The following CFP variants were observed in gnomAD, a reference collection of about 807,000 sequenced individuals.
CFP encodes complement factor properdin.
In CFP, 14 loss-of-function variants were observed where a neutral mutation model predicts 42.1. The ratio of observed to expected loss-of-function variants is 0.33; its 90% CI spans 0.22 to 0.52. The LOEUF is 0.52. Ranked by LOEUF, CFP falls within the 20% of genes least tolerant of loss-of-function variation. The pLI, the probability that CFP is intolerant of heterozygous loss-of-function variation, is 0.96. For missense variants in CFP, 318 were observed against 400.4 expected, an observed-to-expected ratio of 0.79 and a Z score of 1.76; for synonymous variants, 149 against 160.6, an observed-to-expected ratio of 0.93 and a Z score of 0.54.
chrX:47,627,550 G>C lies in CFP; in HGVS notation c.495C>G (p.His165Gln). 1 of 1,209,556 alleles carries C rather than the reference G, an allele frequency of 8.3e-7. No individual in the cohort carries two copies. ...AGTGGCCCCCACACTTGGGAGCAGG[G>C]TGATTACAGGCTCGCCTGCGGGTCC... ...GTRTRRRACNHPAPKCGGHCP... is the reference protein window; with the variant it reads ...GTRTRRRACNQPAPKCGGHCP... Residue 165 changes from histidine to glutamine, a missense_variant, in exon 4 of 9, where the codon CAC becomes CAG. His to Gln is a conservative substitution (Grantham distance 24). Coordinates refer to ENST00000396992, the MANE Select transcript of CFP (RefSeq NM_001145252.3).
At chrX:47,629,498 A>ACCCCCC in intron 2 of CFP, 26 bp downstream of exon 2, 4 of 270,807 alleles carry the variant, frequency 1.5e-5, no homozygotes, top group East Asian at 7.0e-5. Context: ...CCTCCCCCCC[A>ACCCCCC]TCCCCCACCC....
Position 47,626,319 on chromosome X carries a change from G to C in CFP, c.1132+9C>G. On this transcript the variant is annotated intron_variant, in intron 7 of 8. Transcript: ENST00000396992. The stretch of plus-strand genomic sequence containing the variant: ...CCCACCCTCAGAGCACAGTCTGTGG[G>C]ACACTCACAGGGGCAGTGCTGGATG... The C allele has an allele frequency of 1.7e-6, 2 of 1,209,192 alleles. No individual in the cohort carries two copies. The highest frequency in any genetic ancestry group is 3.0e-5 in the East Asian group (1 of 33,796).
Position 47,628,082 on chromosome X carries a change from G to A in CFP, c.403+20C>T, listed in dbSNP as rs1383306170. Reference sequence around the variant, plus strand: ...GCTGGGTGACAGGGAGTGCTTGCCCGCCTTGCTCATCCTCCTCACCAGGAC... The same window carrying A: ...GCTGGGTGACAGGGAGTGCTTGCCCACCTTGCTCATCCTCCTCACCAGGAC... On this transcript the variant is annotated intron_variant, in intron 3 of 8. Coordinates refer to ENST00000396992, the MANE Select transcript of CFP (RefSeq NM_001145252.3). 4.1e-6 allele frequency: 5 copies of A among 1,207,812 alleles called. No individual in the cohort carries two copies. Among genetic ancestry groups the A allele is most frequent in the Admixed American group, 4.4e-5 (2 of 45,758 alleles).
chrX:47,629,603 C>T lies in CFP; in HGVS notation c.148G>A (p.Gly50Ser). The change falls in exon 2 of 9, where the codon GGT becomes AGT. Residue 50 changes from glycine (G) to serine (S), a missense_variant. By Grantham distance (56) the Gly-to-Ser change is moderately conservative. Coordinates refer to ENST00000396992, the MANE Select transcript of CFP (RefSeq NM_001145252.3). ...SGKCKGLLGG[G>S]VSVEDCCLNT... is the part of the protein sequence containing the mutation. Reference sequence around the variant, plus strand: ...AGACAGCAGTCTTCCACGCTGACACCACCCCCCAGGAGGCCCTTGCACTTG... The same window carrying T: ...AGACAGCAGTCTTCCACGCTGACACTACCCCCCAGGAGGCCCTTGCACTTG... The T allele has an allele frequency of 8.5e-7, 1 of 1,172,625 alleles. No homozygotes were observed.
At chrX:47,628,819 G>C (rs1264121777) in intron 2 of CFP, 1 of 213,308 alleles carries the variant, frequency 4.7e-6, no homozygotes, top group Non-Finnish European at 8.8e-6. Context: ...GGTGTATCTG[G>C]GATATATAGT....
intron 2 of CFP, 24 bp downstream of exon 2, chrX:47,629,500 C>CCCCCCCCCCCGCCCCCCCCAA: frequency 2.1e-6 from 1 of 477,887 alleles, no homozygotes; most frequent in Non-Finnish European, 3.6e-6. Context: ...TCCCCCCCAT[C>CCCCCCCCCCCGCCCCCCCCAA]CCCCACCCCA....
intron 2 of CFP, 99 bp from the exon 3 acceptor site, chrX:47,628,376 G>T: frequency 1.2e-6 from 1 of 831,040 alleles, no homozygotes; most frequent in Non-Finnish European, 1.8e-6. Context: ...TGCTAGGCAA[G>T]TGCGTGTGCG....
rs2057977063 is a variant in CFP at position 47,628,190 on chromosome X, C to T, written c.315G>A (p.Val105=). The T allele has an allele frequency of 8.3e-7, 1 of 1,209,805 alleles. No individual in the cohort carries two copies. The highest frequency in any genetic ancestry group is 1.8e-5 in the African/African-American group (1 of 57,059). Residue 105 remains valine, a synonymous_variant, in exon 3 of 9, where the codon GTG becomes GTA. Coordinates refer to ENST00000396992, the MANE Select transcript of CFP (RefSeq NM_001145252.3). ...TTCCAGAGCACTGCCCATTCCAGCC[C>T]ACACAGCGCCGGTACCGCAGCTGGG... ...EGSQLRYRRC[V]GWNGQCSGKV... is the part of the protein sequence containing the mutation.
chrX:47,626,472 G>A lies in CFP; in HGVS notation c.988C>T (p.Arg330Trp). The change falls in exon 7 of 9, where the codon CGG becomes TGG. Residue 330 changes from arginine (R) to tryptophan (W), a missense_variant. Arg to Trp is a moderately radical substitution (Grantham distance 101). Transcript: ENST00000396992. ...TGACAGCTGATGGACTTCATGTTCC[G>A]TCGGATACAGGGGCTCCACTCCCCC... is the stretch of plus-strand genomic sequence containing the variant. The part of the protein sequence containing the change: ...SWGEWSPCIR[R>W]NMKSISCQEI... 5.8e-6 allele frequency: 7 copies of A among 1,211,504 alleles called. No homozygotes were observed. The highest frequency in any genetic ancestry group is 2.2e-5 in the Admixed American group (1 of 46,015).
chrX:47,624,450 T>C lies in CFP; in HGVS notation c.1245-10A>G. 1 of 1,205,008 alleles carries C rather than the reference T, an allele frequency of 8.3e-7. No individual in the cohort carries two copies. Reference sequence around the variant, plus strand: ...CATGGAAACGGTGGGCCTGAGGCATTAGGGGTGGGGAGGAACGGAAGGGAG... The same window carrying C: ...CATGGAAACGGTGGGCCTGAGGCATCAGGGGTGGGGAGGAACGGAAGGGAG... On this transcript the variant is annotated splice_polypyrimidine_tract_variant and intron_variant, in intron 8 of 8. Coordinates refer to ENST00000396992, the MANE Select transcript of CFP (RefSeq NM_001145252.3).
rs1486975061 is a variant in CFP at position 47,625,840 on chromosome X, T to G, written c.1244+218A>C. ...ATGAAGGACTAAGTGGATGAGTGAC[T>G]GAACAGGTGACTGAGGGGCACAGAG... On this transcript the variant is annotated intron_variant, in intron 8 of 8. Coordinates refer to ENST00000396992, the MANE Select transcript of CFP (RefSeq NM_001145252.3). 31 of 451,287 alleles carry G rather than the reference T, an allele frequency of 6.9e-5. No homozygotes were observed. In the East Asian group the frequency reaches 1.1e-3, roughly 15 times the overall value. The allele number at this position is 451,287 out of a possible 1,213,427, so 37.2% of individuals were successfully genotyped here.
intron 8 of CFP, 173 bp downstream of exon 8, chrX:47,625,885 G>A (rs2057966033): frequency 4.0e-6 from 2 of 498,338 alleles, no homozygotes; most frequent in Admixed American, 5.6e-5. Flanking sequence ...TATCCTCCAA[G>A]AACTTCTTTC....
chrX:47,625,138 TG>T (rs2057963594), intron 8 of CFP: 1 of 111,552 alleles, frequency 9.0e-6, no homozygotes, highest in African/African-American at 3.3e-5. Flanking sequence ...GGTCTTTACC[TG>T]GGTTATTTGT....
At position 47,629,609 on chromosome X, in the gene CFP, C is replaced by G. The variant is rs1314835721; in HGVS notation, c.142G>C (p.Gly48Arg). 1 of 1,173,519 alleles carries G rather than the reference C, an allele frequency of 8.5e-7. No individual in the cohort carries two copies. Among genetic ancestry groups the G allele is most frequent in the Non-Finnish European group, 1.1e-6 (1 of 875,420 alleles). The stretch of plus-strand genomic sequence containing the variant: ...CAGTCTTCCACGCTGACACCACCCC[C>G]CAGGAGGCCCTTGCACTTGCCGGAG... Reference protein sequence around the residue: ...ESSGKCKGLLGGGVSVEDCCL... With the variant: ...ESSGKCKGLLRGGVSVEDCCL... Residue 48 changes from glycine to arginine, a missense_variant, in exon 2 of 9, where the codon GGG (glycine) becomes CGG (arginine). By Grantham distance (125) the Gly-to-Arg change is moderately radical (BLOSUM62 -2). Transcript: ENST00000396992.
At position 47,628,197 on chromosome X, in the gene CFP, C is replaced by T. The variant is rs2057977101; in HGVS notation, c.308G>A (p.Arg103His). 8.3e-7 allele frequency: 1 copy of T among 1,211,250 alleles called. No individual in the cohort carries two copies. Residue 103 changes from arginine (R) to histidine (H), a missense_variant, in exon 3 of 9, where the codon CGC becomes CAC. By Grantham distance (29) the Arg-to-His change is conservative (BLOSUM62 0). Coordinates refer to ENST00000396992, the MANE Select transcript of CFP (RefSeq NM_001145252.3). ...GCACTGCCCATTCCAGCCCACACAG[C>T]GCCGGTACCGCAGCTGGGAGCCCTC... The part of the protein sequence containing the change: ...CSEGSQLRYR[R>H]CVGWNGQCSG...
intron 8 of CFP, 122 bp from the exon 9 acceptor site, chrX:47,624,562 T>TCC: frequency 8.0e-6 from 4 of 497,085 alleles, no homozygotes; most frequent in African/African-American, 5.6e-5. Context: ...TTTTTTTCCT[T>TCC]TTTTTTTTTT....
In CFP at chrX:47,627,327, C is replaced by T. The variant is rs755651023; in HGVS notation, c.580G>A (p.Gly194Arg). 46 of 1,192,886 alleles carry T rather than the reference C, an allele frequency of 3.9e-5. No homozygotes were observed. The highest frequency in any genetic ancestry group is 5.1e-5 in the Non-Finnish European group (45 of 884,658). The change falls in exon 5 of 9, where the codon GGG becomes AGG. Residue 194 changes from glycine (G) to arginine (R), a missense_variant. Gly to Arg is a moderately radical substitution (Grantham distance 125, BLOSUM62 -2). Coordinates refer to ENST00000396992, the MANE Select transcript of CFP (RefSeq NM_001145252.3). ...CDTQQVCPTHGAWATWGPWTP... is the reference protein window; with the variant it reads ...CDTQQVCPTHRAWATWGPWTP... Reference sequence around the variant, plus strand: ...CAGGGGCCCCAGGTGGCCCAGGCCCCGTGTGCTGTGGTGGGGTGGGAGGTG... The same window carrying T: ...CAGGGGCCCCAGGTGGCCCAGGCCCTGTGTGCTGTGGTGGGGTGGGAGGTG...
chrX:47,625,879 C>T, intron 8 of CFP, 179 bp downstream of exon 8: 1 of 491,293 alleles, frequency 2.0e-6, no homozygotes, highest in Non-Finnish European at 3.7e-6. Context: ...ACGAATTATC[C>T]TCCAAGAACT....
At position 47,624,053 on chromosome X, in the gene CFP, C is replaced by T. The variant is rs899478111; in HGVS notation, c.*222G>A. The T allele has an allele frequency of 6.0e-4, 257 of 431,483 alleles. 1 individual carries two copies. The highest frequency in any genetic ancestry group is 8.5e-4 in the Non-Finnish European group (208 of 244,493). The allele number at this position is 431,483 out of a possible 1,213,427, so 35.6% of individuals were successfully genotyped here. On this transcript the variant is annotated 3_prime_UTR_variant, in exon 9 of 9. Coordinates refer to ENST00000396992, the MANE Select transcript of CFP (RefSeq NM_001145252.3). ...GAGGCTGGGACTGCACACTCGCTTTCACTCCTGCCAACCTGCGACCACAGT... is the reference window on the plus strand; with the variant it reads ...GAGGCTGGGACTGCACACTCGCTTTTACTCCTGCCAACCTGCGACCACAGT...
Sources: allele counts gnomAD v4.1 joint callset, GRCh38; gene constraint gnomAD v4.1.1; transcripts MANE v1.5; gene names NCBI Gene and HGNC (gene_info 2026-07-23, HGNC 2026-07-21).